STRBP: variants seen among roughly 807,000 people sequenced by gnomAD.
The protein encoded by STRBP is spermatid perinuclear RNA binding protein, also known as spermatid perinuclear RNA-binding protein.
In STRBP, 13 loss-of-function variants were observed where a neutral mutation model predicts 80.1. That is an observed-to-expected ratio of 0.16 (90% CI 0.11 to 0.26). STRBP has a LOEUF of 0.26. STRBP is among the 10% of genes least tolerant of loss of function. STRBP has a pLI of 1.00. For missense variants in STRBP, 485 were observed against 815.2 expected, an observed-to-expected ratio of 0.59 and a Z score of 4.93; for synonymous variants, 284 against 291.2, an observed-to-expected ratio of 0.98 and a Z score of 0.25.
intron 2 of STRBP, among the ~76,000 whole-genome samples, chr9:123,198,532 T>C (rs182894400): frequency 5.5e-4 from 84 of 152,292 alleles, no homozygotes; most frequent in Middle Eastern, 3.4e-3. Flanking sequence ...AGTTTGAAAA[T>C]ACTTTCACCT....
intron 16 of STRBP, 61 bp downstream of exon 16, chr9:123,135,980 G>A: frequency 6.3e-7 from 1 of 1,590,806 alleles, no homozygotes; most frequent in Non-Finnish European, 8.6e-7. Flanking sequence ...GGACAGGAAA[G>A]AAAATTTAAT....
intron 2 of STRBP, among the ~76,000 whole-genome samples, chr9:123,205,213 C>T (rs1228803434): frequency 6.6e-6 from 1 of 152,192 alleles, no homozygotes; most frequent in Non-Finnish European, 1.5e-5. Flanking sequence ...TTGCAGTGAG[C>T]CGAGTTTGCA....
chr9:123,236,447 C>T (rs1046882247), intron 2 of STRBP, among the ~76,000 whole-genome samples: 4 of 152,088 alleles, frequency 2.6e-5, no homozygotes, highest in Non-Finnish European at 4.4e-5. Flanking sequence ...TAAAACATGG[C>T]GTCATTTGTG....
At position 123,159,105 on chromosome 9, in the gene STRBP, G is replaced by A; in HGVS notation, c.826C>T (p.Leu276=). Residue 276 remains leucine (L), a synonymous_variant, in exon 9 of 19, where the codon CTA becomes TTA. Coordinates refer to ENST00000348403, the MANE Select transcript of STRBP (RefSeq NM_018387.5). ...RVMECLASGI[L]LPGGPGLHDP... is the part of the protein sequence containing the mutation. ...AGTTTGAAACCCTTACCAGGAAGTA[G>A]TATTCCAGATGCCAAACACTCCATT... 6.2e-7 allele frequency: 1 copy of A among 1,612,712 alleles called. No homozygotes were observed. The highest frequency in any genetic ancestry group is 8.5e-7 in the Non-Finnish European group (1 of 1,178,874).
chr9:123,187,581 T>C (rs1273388854), intron 2 of STRBP, among the ~76,000 whole-genome samples: 1 of 152,220 alleles, frequency 6.6e-6, no homozygotes, highest in Non-Finnish European at 1.5e-5. Flanking sequence ...ATATTAACTA[T>C]GCACTCCTTA....
At chr9:123,193,958 A>G (rs1236274888) in intron 2 of STRBP, among the ~76,000 whole-genome samples, 1 of 152,192 alleles carries the variant, frequency 6.6e-6, no homozygotes, top group Non-Finnish European at 1.5e-5. Context: ...CCAATAATCA[A>G]TAGTTCTAAA....
At chr9:123,132,217 A>C (rs893949946) in intron 17 of STRBP, among the ~76,000 whole-genome samples, 7 of 152,200 alleles carry the variant, frequency 4.6e-5, no homozygotes, top group Admixed American at 3.9e-4. Context: ...CTTCACCCTG[A>C]GCTAGCTGCC....
intron 1 of STRBP, among the ~76,000 whole-genome samples, chr9:123,245,528 C>G (rs2040783231): frequency 1.3e-5 from 2 of 152,128 alleles, no homozygotes; most frequent in African/African-American, 4.8e-5. Flanking sequence ...TAGCTGGGAG[C>G]TGCCACCACA....
At chr9:123,225,964 A>T (rs923500858) in intron 2 of STRBP, among the ~76,000 whole-genome samples, 1 of 152,224 alleles carries the variant, frequency 6.6e-6, no homozygotes, top group African/African-American at 2.4e-5. Context: ...GTATTTGCCC[A>T]ACAGAAATGA....
At chr9:123,157,473 A>G (rs1213867080) in intron 11 of STRBP, among the ~76,000 whole-genome samples, 1 of 152,198 alleles carries the variant, frequency 6.6e-6, no homozygotes, top group African/African-American at 2.4e-5. Flanking sequence ...TAATAAGAAC[A>G]GAAGAGAAGA....
intron 1 of STRBP, among the ~76,000 whole-genome samples, chr9:123,239,237 T>C (rs2040640697): frequency 6.6e-6 from 1 of 151,980 alleles, no homozygotes; most frequent in South Asian, 2.1e-4. Flanking sequence ...TAGCCAGGCA[T>C]GGTGGCGGGC....
At position 123,259,444 on chromosome 9, in the gene STRBP, C is replaced by T. The variant is rs561482066; in HGVS notation, c.-302+8992G>A. Among the ~76,000 whole-genome samples, 7 of 152,290 alleles carry T rather than the reference C, an allele frequency of 4.6e-5. No individual in the cohort carries two copies. The South Asian group carries it at 1.0e-3, about 23-fold the overall frequency. ...AGAGTCAGCCAGGCGCAATGGCTCA[C>T]GCCTGTAATCCCAGCACTTTGGGAG... On this transcript the variant is annotated intron_variant, in intron 1 of 18. Coordinates refer to ENST00000348403, the MANE Select transcript of STRBP (RefSeq NM_018387.5).
chr9:123,232,431 T>C (rs1339770643), intron 2 of STRBP, among the ~76,000 whole-genome samples: 1 of 152,220 alleles, frequency 6.6e-6, no homozygotes, highest in African/African-American at 2.4e-5. Flanking sequence ...ATTGTAGTTA[T>C]AAACCATTTT....
At chr9:123,158,563 CTCAGT>C (rs1366281921) in intron 9 of STRBP, 134 bp from the exon 10 acceptor site, 7 of 725,242 alleles carry the variant, frequency 9.7e-6, no homozygotes, top group South Asian at 7.5e-5. Context: ...TAAAAGTCTG[CTCAGT>C]TAAGTGGAGT....
rs2038292826 is a variant in STRBP at position 123,177,966 on chromosome 9, G to T, written c.224+1041C>A. Among the ~76,000 whole-genome samples the T allele has an allele frequency of 2.6e-5, 4 of 152,226 alleles. No homozygotes were observed. In the South Asian group the frequency reaches 6.2e-4, roughly 24 times the overall value. On this transcript the variant is annotated intron_variant, in intron 4 of 18. Coordinates refer to ENST00000348403, the MANE Select transcript of STRBP (RefSeq NM_018387.5). ...AATTCCAAATCTAACAGTAACATTT[G>T]TACAGACATCATATATGAGAAAAAT...
chr9:123,197,667 C>CTTTTTTTTTTT (rs71388358), intron 2 of STRBP, among the ~76,000 whole-genome samples: 2 of 87,364 alleles, frequency 2.3e-5, no homozygotes, highest in African/African-American at 4.7e-5. Context: ...AAACATATTT[C>CTTTTTTTTTTT]TTTTTTTTTT....
intron 2 of STRBP, among the ~76,000 whole-genome samples, chr9:123,214,089 C>T (rs946159771): frequency 6.6e-6 from 1 of 151,322 alleles, no homozygotes; most frequent in Admixed American, 6.6e-5. Context: ...TGTACCAGCC[C>T]AAATGCCCAT....
At chr9:123,217,778 A>G (rs2039943581) in intron 2 of STRBP, among the ~76,000 whole-genome samples, 3 of 152,232 alleles carry the variant, frequency 2.0e-5, no homozygotes. Context: ...TTTACTGACA[A>G]TATTTGAAGA....
intron 2 of STRBP, among the ~76,000 whole-genome samples, chr9:123,205,641 G>C (rs1419986991): frequency 2.0e-5 from 3 of 152,186 alleles, no homozygotes; most frequent in African/African-American, 7.2e-5. Context: ...CACCAATATT[G>C]TGTCCATACA....
Sources: gnomAD v4.1 joint callset for allele counts (sites outside exome capture counted in the v4.1 genomes callset) on GRCh38, gnomAD v4.1.1 for gene constraint, MANE v1.5 for transcripts, NCBI Gene and HGNC (gene_info 2026-07-23, HGNC 2026-07-21) for gene names.